Variants in RSRC1 observed in about 807,000 individuals in gnomAD.
The protein encoded by RSRC1 is arginine and serine rich coiled-coil 1, also known as serine/Arginine-related protein 53.
A neutral mutation model predicts 49.1 loss-of-function variants in RSRC1; 39 were observed. That is an observed-to-expected ratio of 0.79 (90% CI 0.61 to 1.04). The LOEUF is 1.04. Ranked by LOEUF, RSRC1 falls within the 50% of genes least tolerant of loss-of-function variation. RSRC1 has a pLI of 0.00. For missense variants in RSRC1, 388 were observed against 402.4 expected, an observed-to-expected ratio of 0.96 and a Z score of 0.31; for synonymous variants, 143 against 130.8, an observed-to-expected ratio of 1.09 and a Z score of -0.63.
intron 3 of RSRC1, among the ~76,000 whole-genome samples, chr3:158,202,187 A>G (rs1578193314): frequency 6.6e-6 from 1 of 151,776 alleles, no homozygotes; most frequent in South Asian, 2.1e-4. Flanking sequence ...GCTAATTTTT[A>G]TATTTTTAGT....
chr3:158,394,511 ATG>A (rs1433116523), intron 6 of RSRC1, among the ~76,000 whole-genome samples: 1 of 152,102 alleles, frequency 6.6e-6, no homozygotes, highest in Non-Finnish European at 1.5e-5. Context: ...TACAAAATCA[ATG>A]TACAAAAATC....
chr3:158,194,577 A>T (rs1720449063), intron 3 of RSRC1, among the ~76,000 whole-genome samples: 1 of 148,700 alleles, frequency 6.7e-6, no homozygotes, highest in African/African-American at 2.5e-5. Flanking sequence ...TACATGTGCC[A>T]TGTTGGTGTG....
At chr3:158,198,149 G>T (rs1354703386) in intron 3 of RSRC1, among the ~76,000 whole-genome samples, 2 of 151,972 alleles carry the variant, frequency 1.3e-5, no homozygotes, top group Non-Finnish European at 2.9e-5. Flanking sequence ...AGTCTCTGAG[G>T]ACTTGCTTTA....
chr3:158,217,120 A>G (rs970678827), intron 4 of RSRC1, among the ~76,000 whole-genome samples: 1 of 151,600 alleles, frequency 6.6e-6, no homozygotes, highest in Non-Finnish European at 1.5e-5. Context: ...CCAAGAGGAG[A>G]ATTAAAAGAT....
intron 5 of RSRC1, among the ~76,000 whole-genome samples, chr3:158,311,705 A>C (rs1413953883): frequency 1.3e-5 from 2 of 152,126 alleles, no homozygotes; most frequent in Non-Finnish European, 2.9e-5. Flanking sequence ...AAGAGAGTAG[A>C]TCTTAAATAC....
At chr3:158,416,981 A>G (rs953750139) in intron 6 of RSRC1, among the ~76,000 whole-genome samples, 3 of 152,150 alleles carry the variant, frequency 2.0e-5, no homozygotes, top group East Asian at 1.9e-4. Flanking sequence ...GAATTCATAT[A>G]TATTTCTTAT....
chr3:158,155,598 C>CTTT (rs34972266), intron 3 of RSRC1, among the ~76,000 whole-genome samples: 8 of 133,946 alleles, frequency 6.0e-5, no homozygotes, highest in Admixed American at 1.5e-4. Flanking sequence ...AGCCTAGCTA[C>CTTT]TTTTTTTTTT....
chr3:158,453,700 CT>C (rs1448918762), intron 6 of RSRC1, among the ~76,000 whole-genome samples: 1 of 152,042 alleles, frequency 6.6e-6, no homozygotes, highest in Non-Finnish European at 1.5e-5. Context: ...TCTTTTTAAC[CT>C]TTTCGGGTTC....
At chr3:158,271,746 C>T (rs1418586481) in intron 4 of RSRC1, among the ~76,000 whole-genome samples, 1 of 151,814 alleles carries the variant, frequency 6.6e-6, no homozygotes, top group Non-Finnish European at 1.5e-5. Context: ...TTTCATTGAA[C>T]TAGGAATAAT....
At chr3:158,393,912 T>C (rs1005708857) in intron 6 of RSRC1, among the ~76,000 whole-genome samples, 6 of 151,988 alleles carry the variant, frequency 3.9e-5, no homozygotes, top group African/African-American at 1.2e-4. Flanking sequence ...CTCAACAAAA[T>C]ACTAGCAAAT....
At chr3:158,215,486 A>G (rs1235707249) in intron 4 of RSRC1, among the ~76,000 whole-genome samples, 1 of 151,780 alleles carries the variant, frequency 6.6e-6, no homozygotes, top group African/African-American at 2.4e-5. Context: ...TCACTTTAAT[A>G]TAATTATGGA....
At chr3:158,243,136 T>G (rs1461419359) in intron 4 of RSRC1, among the ~76,000 whole-genome samples, 2 of 152,208 alleles carry the variant, frequency 1.3e-5, no homozygotes, top group Non-Finnish European at 2.9e-5. Context: ...GCCTATGTCC[T>G]GAATGGTATC....
chr3:158,277,615 ATCT>A (rs1222851996), intron 4 of RSRC1, among the ~76,000 whole-genome samples: 2 of 152,214 alleles, frequency 1.3e-5, no homozygotes, highest in African/African-American at 2.4e-5. Flanking sequence ...TGGAATGAAT[ATCT>A]TCTTTAACTT....
chr3:158,415,867 A>G (rs542998932), intron 6 of RSRC1, among the ~76,000 whole-genome samples: 3 of 152,170 alleles, frequency 2.0e-5, no homozygotes, highest in East Asian at 3.9e-4. Flanking sequence ...ATGTAATTTG[A>G]ACAGATTTGC....
intron 4 of RSRC1, among the ~76,000 whole-genome samples, chr3:158,228,523 A>AT (rs1295392320): frequency 2.6e-5 from 4 of 151,922 alleles, no homozygotes; most frequent in Admixed American, 2.6e-4. Flanking sequence ...CTCTTTTTAG[A>AT]TCCCATATCA....
intron 7 of RSRC1, among the ~76,000 whole-genome samples, chr3:158,467,268 A>C (rs1192993762): frequency 6.6e-6 from 1 of 152,192 alleles, no homozygotes; most frequent in Non-Finnish European, 1.5e-5. Context: ...AAGCCCATAT[A>C]CTCAAAGAGC....
chr3:158,426,291 A>G (rs1158908456), intron 6 of RSRC1, among the ~76,000 whole-genome samples: 2 of 151,734 alleles, frequency 1.3e-5, no homozygotes, highest in Non-Finnish European at 2.9e-5. Flanking sequence ...CTGGGAGAAC[A>G]TAGTTTCAAT....
Position 158,147,946 on chromosome 3 carries a change from T to G in RSRC1, c.320+23955T>G, listed in dbSNP as rs545409961. 1.2e-4 allele frequency among the ~76,000 whole-genome samples: 18 copies of G among 152,334 alleles called. No homozygotes were observed. In the East Asian group the frequency reaches 3.3e-3, roughly 28 times the overall value. On this transcript the variant is annotated intron_variant, in intron 3 of 9. Coordinates refer to ENST00000611884, the MANE Select transcript of RSRC1 (RefSeq NM_001271838.2). ...TATTTTTAAAAATGCAATAAAAATG[T>G]TATAGTTGTGTCCAATAACTATAAA...
intron 4 of RSRC1, among the ~76,000 whole-genome samples, chr3:158,278,847 C>T (rs827097): frequency 0.48 from 72,384 of 151,878 alleles, 17,803 homozygotes; most frequent in East Asian, 0.64. Flanking sequence ...TGATGAGATA[C>T]TCCATTTTAA....
Sources: gnomAD v4.1 joint callset for allele counts (sites outside exome capture counted in the v4.1 genomes callset) on GRCh38, gnomAD v4.1.1 for gene constraint, MANE v1.5 for transcripts, NCBI Gene and HGNC (gene_info 2026-07-23, HGNC 2026-07-21) for gene names.